Variants in DIAPH3 observed in about 807,000 individuals in gnomAD.
DIAPH3 encodes the protein protein diaphanous homolog 3.
DIAPH3 carries 117 observed loss-of-function variants against 144.3 expected under a neutral mutation model. That is an observed-to-expected ratio of 0.81 (90% CI 0.70 to 0.95). DIAPH3 has a LOEUF of 0.95. Among genes scored for constraint, DIAPH3 ranks in the 40% least tolerant of loss-of-function variants. DIAPH3 has a pLI of 0.00. For missense variants in DIAPH3, 1,421 were observed against 1,412.7 expected (o/e 1.01, Z -0.09); for synonymous variants, 519 against 488.9 (o/e 1.06, Z -0.81).
chr13:59,906,368 C>A (rs150957660), intron 20 of DIAPH3, among the ~76,000 whole-genome samples: 1 of 151,958 alleles, frequency 6.6e-6, no homozygotes, highest in South Asian at 2.1e-4. Context: ...GGTAAATACA[C>A]AGAAATGGAA....
chr13:59,851,916 C>A (rs1218052432), intron 22 of DIAPH3, among the ~76,000 whole-genome samples: 1 of 152,038 alleles, frequency 6.6e-6, no homozygotes, highest in Non-Finnish European at 1.5e-5. Flanking sequence ...TGGCGCCCAG[C>A]CAAATAGATG....
intron 7 of DIAPH3, among the ~76,000 whole-genome samples, chr13:60,013,523 A>G (rs1033665587): frequency 2.0e-5 from 3 of 152,186 alleles, no homozygotes; most frequent in Admixed American, 2.0e-4. Context: ...ATTTGAATAT[A>G]CTAACTTTTC....
At chr13:59,969,526 T>C (rs895467381) in intron 17 of DIAPH3, among the ~76,000 whole-genome samples, 2 of 152,186 alleles carry the variant, frequency 1.3e-5, no homozygotes, top group African/African-American at 4.8e-5. Context: ...TAATGCTATA[T>C]GCTATCCCTC....
At chr13:59,685,760 T>C (rs1339077641) in intron 27 of DIAPH3, among the ~76,000 whole-genome samples, 6 of 152,016 alleles carry the variant, frequency 3.9e-5, no homozygotes, top group African/African-American at 1.4e-4. Context: ...TAGAAGAAAA[T>C]AATATACTGG....
intron 25 of DIAPH3, among the ~76,000 whole-genome samples, chr13:59,801,520 C>T (rs2039898151): frequency 6.6e-6 from 1 of 152,172 alleles, no homozygotes; most frequent in African/African-American, 2.4e-5. Flanking sequence ...ACTGAAATTA[C>T]TGTCACTTAT....
intron 22 of DIAPH3, among the ~76,000 whole-genome samples, chr13:59,852,588 T>G (rs2043038782): frequency 6.6e-6 from 1 of 152,202 alleles, no homozygotes; most frequent in Non-Finnish European, 1.5e-5. Context: ...ATTTTCCAAA[T>G]TCCATTCCCT....
At chr13:59,751,800 G>A (rs893671429) in intron 27 of DIAPH3, among the ~76,000 whole-genome samples, 1 of 152,212 alleles carries the variant, frequency 6.6e-6, no homozygotes, top group Non-Finnish European at 1.5e-5. Flanking sequence ...TGTGGTAACA[G>A]TACTACAAGT....
At chr13:59,867,569 C>T (rs1051800350) in intron 21 of DIAPH3, among the ~76,000 whole-genome samples, 10 of 151,786 alleles carry the variant, frequency 6.6e-5, no homozygotes, top group Non-Finnish European at 1.2e-4. Flanking sequence ...TGTGGACTTC[C>T]GTAATTATAA....
In DIAPH3 at chr13:60,163,903, A is replaced by T; in HGVS notation, c.-137T>A. The T allele has an allele frequency of 8.7e-7, 1 of 1,143,406 alleles. No individual in the cohort carries two copies. The highest frequency in any genetic ancestry group is 1.2e-6 in the Non-Finnish European group (1 of 830,744). 70.8% of individuals were successfully genotyped at this position (1,143,406 alleles called of 1,614,324 possible). A position where few individuals can be genotyped will look rare whatever the true frequency, so the allele number is the denominator to read the frequency against. ...TCAGCACAGCCTAGCCCAACCGCTGAAGTCGGGGCCGCAGCCAACACATCT... is the reference window on the plus strand; with the variant it reads ...TCAGCACAGCCTAGCCCAACCGCTGTAGTCGGGGCCGCAGCCAACACATCT... On this transcript the variant is annotated 5_prime_UTR_variant, in exon 1 of 28. Coordinates refer to ENST00000400324, the MANE Select transcript of DIAPH3 (RefSeq NM_001042517.2).
chr13:59,939,321 G>A (rs1448699851), intron 17 of DIAPH3, among the ~76,000 whole-genome samples: 1 of 152,048 alleles, frequency 6.6e-6, no homozygotes, highest in East Asian at 1.9e-4. Context: ...TCTCCAAATT[G>A]TACAAAGAAT....
At chr13:59,700,331 ACT>A (rs2034032662) in intron 27 of DIAPH3, among the ~76,000 whole-genome samples, 1 of 151,986 alleles carries the variant, frequency 6.6e-6, no homozygotes, top group African/African-American at 2.4e-5. Context: ...TGTTTGGAGG[ACT>A]CTGGAATAGA....
intron 4 of DIAPH3, among the ~76,000 whole-genome samples, chr13:60,055,874 G>A (rs1249816408): frequency 6.6e-6 from 1 of 151,752 alleles, no homozygotes; most frequent in African/African-American, 2.4e-5. Flanking sequence ...AAGAAAGGGG[G>A]ATGAGAGACT....
chr13:59,986,960 C>G (rs1354050846), intron 12 of DIAPH3, among the ~76,000 whole-genome samples: 1 of 151,302 alleles, frequency 6.6e-6, no homozygotes, highest in Non-Finnish European at 1.5e-5. Flanking sequence ...TTTGACCCAG[C>G]CATCCCATTA....
Position 59,992,157 on chromosome 13 carries a change from CA to C in DIAPH3, c.1154del (p.Leu385ArgfsTer62). The C allele has an allele frequency of 6.2e-7, 1 of 1,611,476 alleles. No individual in the cohort carries two copies. Among genetic ancestry groups the C allele is most frequent in the Non-Finnish European group, 8.5e-7 (1 of 1,178,550 alleles). Reference protein sequence around the residue: ...PNLKCIKNDGLDIQLKVFDEH... With the variant: ...PNLKCIKNDGXDIQLKVFDEH... ...CATCAAAGACTTTAAGTTGGATATC[CA>C]GGCCATCATTCTTAATGCATTTTAA... On this transcript the variant is annotated frameshift_variant, in exon 11 of 28. Coordinates refer to ENST00000400324, the MANE Select transcript of DIAPH3 (RefSeq NM_001042517.2). LOFTEE classifies it high-confidence loss of function.
In DIAPH3 at chr13:59,882,517, A is replaced by G. The variant is rs1022730809; in HGVS notation, c.2368-3049T>C. Among the ~76,000 whole-genome samples the G allele has an allele frequency of 3.3e-5, 5 of 152,182 alleles. No individual in the cohort carries two copies. In the East Asian group the frequency reaches 9.6e-4, roughly 29 times the overall value. ...TGTTTCCGCATCCTCACCACTTCTC[A>G]TATTCTATCAACACTGGGGATTTGC... On this transcript the variant is annotated intron_variant, in intron 20 of 27. Coordinates refer to ENST00000400324, the MANE Select transcript of DIAPH3 (RefSeq NM_001042517.2).
intron 4 of DIAPH3, among the ~76,000 whole-genome samples, chr13:60,076,536 T>C (rs1253622752): frequency 6.6e-6 from 1 of 152,186 alleles, no homozygotes. Flanking sequence ...TTTTCTGTTA[T>C]AGAAATCTTA....
chr13:60,034,188 C>T (rs770717839), intron 5 of DIAPH3, among the ~76,000 whole-genome samples: 3 of 152,034 alleles, frequency 2.0e-5, no homozygotes, highest in Non-Finnish European at 2.9e-5. Flanking sequence ...CAACAGAAAC[C>T]AAAGAAACCA....
At chr13:59,994,188 G>A (rs1379050183) in intron 9 of DIAPH3, among the ~76,000 whole-genome samples, 1 of 151,858 alleles carries the variant, frequency 6.6e-6, no homozygotes, top group Admixed American at 6.6e-5. Flanking sequence ...TTATAAAATT[G>A]CTTCCCAATT....
At chr13:59,903,842 A>G (rs2046585110) in intron 20 of DIAPH3, among the ~76,000 whole-genome samples, 1 of 152,168 alleles carries the variant, frequency 6.6e-6, no homozygotes, top group South Asian at 2.1e-4. Flanking sequence ...CACTTAACAT[A>G]CATGTATATG....
Sources: allele counts gnomAD v4.1 joint callset (sites outside exome capture counted in the v4.1 genomes callset), GRCh38; gene constraint gnomAD v4.1.1; transcripts MANE v1.5; gene names NCBI Gene and HGNC (gene_info 2026-07-23, HGNC 2026-07-21).